The following ITGA1 variants were observed in gnomAD, a reference collection of about 807,000 sequenced individuals.
The protein encoded by ITGA1 is integrin alpha-1.
Under a neutral mutation model 145.9 loss-of-function variants are expected in ITGA1, and 85 were observed. The ratio of observed to expected loss-of-function variants is 0.58; its 90% CI spans 0.49 to 0.70. The LOEUF is 0.70. ITGA1 is among the 30% of genes least tolerant of loss of function. The pLI, the probability that ITGA1 is intolerant of heterozygous loss-of-function variation, is 0.00. For synonymous variants in ITGA1, 520 were observed against 495.3 expected, an observed-to-expected ratio of 1.05 and a Z score of -0.66; for missense variants, 1,351 against 1,418.7, an observed-to-expected ratio of 0.95 and a Z score of 0.77.
chr5:52,884,491 A>G (rs1422799350), intron 7 of ITGA1, among the ~76,000 whole-genome samples: 1 of 151,584 alleles, frequency 6.6e-6, no homozygotes, highest in Non-Finnish European at 1.5e-5. Flanking sequence ...ATAGTATGTT[A>G]AAAATTATTC....
intron 1 of ITGA1, among the ~76,000 whole-genome samples, chr5:52,814,188 C>A (rs975003648): frequency 1.3e-5 from 2 of 152,112 alleles, no homozygotes; most frequent in African/African-American, 4.8e-5. Flanking sequence ...GCTCTGTCAC[C>A]CAGGCTGGAG....
At chr5:52,793,589 A>C (rs552433305) in intron 1 of ITGA1, among the ~76,000 whole-genome samples, 1 of 152,186 alleles carries the variant, frequency 6.6e-6, no homozygotes, top group African/African-American at 2.4e-5. Flanking sequence ...AGTGTATGGT[A>C]CTTTTTACCA....
intron 7 of ITGA1, among the ~76,000 whole-genome samples, 200 bp from the exon 8 acceptor site, chr5:52,887,615 C>CGAG (rs1250437857): frequency 6.6e-6 from 1 of 152,162 alleles, no homozygotes; most frequent in Non-Finnish European, 1.5e-5. Context: ...AAACGGAGAC[C>CGAG]TCTCCATCAT....
Position 52,925,319 on chromosome 5 carries a change from C to T in ITGA1, c.2445C>T (p.Ile815=). 1 of 1,614,060 alleles carries T rather than the reference C, an allele frequency of 6.2e-7. No homozygotes were observed. The highest frequency in any genetic ancestry group is 1.1e-5 in the South Asian group (1 of 91,088). Residue 815 remains isoleucine (I), a synonymous_variant, in exon 19 of 29, where the codon ATC becomes ATT. Coordinates refer to ENST00000282588, the MANE Select transcript of ITGA1 (RefSeq NM_181501.2). ...ATTGTGGAAATAAGGAAAAATGTAT[C>T]TCAGACCTCAGCCTGCATGTCGCCA... ...AKDCGNKEKC[I]SDLSLHVATT...
At chr5:52,870,280 A>T (rs1192913770) in intron 6 of ITGA1, among the ~76,000 whole-genome samples, 1 of 152,194 alleles carries the variant, frequency 6.6e-6, no homozygotes, top group Admixed American at 6.5e-5. Context: ...TCTGGAATTT[A>T]TTCTCCCCTT....
At chr5:52,948,271 A>G (rs1352078252) in intron 28 of ITGA1, among the ~76,000 whole-genome samples, 1 of 152,200 alleles carries the variant, frequency 6.6e-6, no homozygotes, top group Non-Finnish European at 1.5e-5. Flanking sequence ...TCAAATAAGC[A>G]TTTATTCTAG....
intron 21 of ITGA1, chr5:52,931,161 G>A (rs2111887859): frequency 6.6e-6 from 1 of 152,258 alleles, no homozygotes; most frequent in Non-Finnish European, 1.5e-5. Flanking sequence ...AGTTGGTGGA[G>A]GGGTATGTGT....
At chr5:52,806,910 TATA>T (rs1748597104) in intron 1 of ITGA1, among the ~76,000 whole-genome samples, 1 of 152,222 alleles carries the variant, frequency 6.6e-6, no homozygotes, top group Non-Finnish European at 1.5e-5. Flanking sequence ...ATTTTAACTC[TATA>T]ATAATTGACA....
At position 52,955,330 on chromosome 5, in the gene ITGA1, CAG is replaced by C. The variant is rs1751286930; in HGVS notation, c.*2881_*2882del. 1.3e-5 allele frequency: 2 copies of C among 149,470 alleles called. No individual in the cohort carries two copies. The highest frequency in any genetic ancestry group is 2.5e-5 in the African/African-American group (1 of 40,592). 9.3% of individuals were successfully genotyped at this position (149,470 alleles called of 1,614,324 possible). On this transcript the variant is annotated 3_prime_UTR_variant, in exon 29 of 29. Transcript: ENST00000282588. Reference sequence around the variant, plus strand: ...AGCTGACTTCAGCACACCACTGAGACAGATTACACGATAGACAGATAGATAGA... The same window carrying C: ...AGCTGACTTCAGCACACCACTGAGACATTACACGATAGACAGATAGATAGA...
At chr5:52,848,660 G>A (rs1352114020) in intron 1 of ITGA1, among the ~76,000 whole-genome samples, 1 of 152,076 alleles carries the variant, frequency 6.6e-6, no homozygotes, top group Non-Finnish European at 1.5e-5. Context: ...CATGTGCCAT[G>A]TTGGTGTGCG....
At chr5:52,938,158 A>T (rs1751000341) in intron 24 of ITGA1, among the ~76,000 whole-genome samples, 1 of 152,170 alleles carries the variant, frequency 6.6e-6, no homozygotes, top group Admixed American at 6.5e-5. Flanking sequence ...ATTGTTATGA[A>T]ATGTTTCTTA....
chr5:52,838,510 G>C (rs1192471816), intron 1 of ITGA1, among the ~76,000 whole-genome samples: 1 of 152,098 alleles, frequency 6.6e-6, no homozygotes, highest in Admixed American at 6.5e-5. Flanking sequence ...TGTTAAACCA[G>C]AAAGTATTTA....
intron 1 of ITGA1, among the ~76,000 whole-genome samples, chr5:52,823,332 G>A (rs1490300352): frequency 2.0e-5 from 3 of 152,278 alleles, no homozygotes; most frequent in Non-Finnish European, 4.4e-5. Context: ...AGCCTCCCGA[G>A]TAGCTGGGAT....
At chr5:52,920,873 C>T (rs1038967700) in intron 17 of ITGA1, among the ~76,000 whole-genome samples, 1 of 152,156 alleles carries the variant, frequency 6.6e-6, no homozygotes, top group Non-Finnish European at 1.5e-5. Context: ...GGGCAGACTG[C>T]TGGGCTGTAT....
chr5:52,874,649 A>G (rs1017693621), intron 6 of ITGA1, among the ~76,000 whole-genome samples: 9 of 152,172 alleles, frequency 5.9e-5, no homozygotes, highest in Non-Finnish European at 1.2e-4. Context: ...GTCATTGGAT[A>G]ATTAATTTGC....
intron 1 of ITGA1, among the ~76,000 whole-genome samples, chr5:52,821,853 C>T (rs938289005): frequency 5.9e-5 from 9 of 152,010 alleles, no homozygotes; most frequent in African/African-American, 1.9e-4. Context: ...TGAGTTGTTT[C>T]GACTTTATGT....
rs942548905 is a variant in ITGA1, at chr5:52,863,063, C to A, written c.295+1504C>A. ...TTGTCTTGTAATTTTGGATCATAAC[C>A]TGGATTATATTTTTGAATTACAGGT... is the stretch of plus-strand genomic sequence containing the variant. On this transcript the variant is annotated intron_variant, in intron 3 of 28. Transcript: ENST00000282588. Among the ~76,000 whole-genome samples the A allele has an allele frequency of 7.2e-4, 109 of 152,182 alleles. 1 individual carries two copies. The highest frequency in any genetic ancestry group is 2.5e-3 in the African/African-American group (103 of 41,522).
intron 1 of ITGA1, chr5:52,801,010 C>T: frequency 6.2e-7 from 1 of 1,614,160 alleles, no homozygotes; most frequent in East Asian, 2.2e-5. Context: ...AAAGTGCATC[C>T]TGGTGGCCAG....
intron 8 of ITGA1, among the ~76,000 whole-genome samples, chr5:52,890,988 C>T (rs6886697): frequency 0.47 from 71,404 of 151,972 alleles, 17,186 homozygotes; most frequent in East Asian, 0.58. Context: ...ATTTGTCCTT[C>T]AGTGCTTGGC....
Sources: allele counts gnomAD v4.1 joint callset (sites outside exome capture counted in the v4.1 genomes callset), GRCh38; gene constraint gnomAD v4.1.1; transcripts MANE v1.5; gene names NCBI Gene and HGNC (gene_info 2026-07-23, HGNC 2026-07-21).